ZNF567: variants seen among roughly 807,000 people sequenced by gnomAD.
The protein encoded by ZNF567 is zinc finger protein 567.
In ZNF567, 36 loss-of-function variants were observed where a neutral mutation model predicts 53.9. The ratio of observed to expected loss-of-function variants is 0.67; its 90% CI spans 0.51 to 0.88. ZNF567 has a LOEUF of 0.88. Among genes scored for constraint, ZNF567 ranks in the 40% least tolerant of loss-of-function variants. The probability of loss-of-function intolerance (pLI) is 0.00; values close to 1 mark genes in which losing one functional copy is unlikely to be tolerated. For missense variants in ZNF567, 619 were observed against 764.7 expected, an observed-to-expected ratio of 0.81 and a Z score of 2.25; for synonymous variants, 224 against 260.4, an observed-to-expected ratio of 0.86 and a Z score of 1.35.
chr19:36,726,982 T>TTCTC (rs375360156), downstream of ZNF567: 1,335 of 55,224 alleles, frequency 0.024, 28 homozygotes, highest in African/African-American at 0.083. Context: ...CTTTCTTTCT[T>TTCTC]TTTCTTTCTT....
intron 2 of ZNF567, among the ~76,000 whole-genome samples, chr19:36,692,665 C>T (rs986142813): frequency 2.6e-5 from 4 of 152,186 alleles, no homozygotes; most frequent in African/African-American, 9.7e-5. Flanking sequence ...CATGAGCTAC[C>T]TACTGTGCTC....
At chr19:36,695,393 G>C (rs189926208) in intron 3 of ZNF567, among the ~76,000 whole-genome samples, 1 of 152,050 alleles carries the variant, frequency 6.6e-6, no homozygotes, top group East Asian at 1.9e-4. Context: ...GCTGGGCTTG[G>C]TGGCAGGCGC....
At chr19:36,692,874 C>G (rs1377854530) in intron 2 of ZNF567, among the ~76,000 whole-genome samples, 1 of 152,146 alleles carries the variant, frequency 6.6e-6, no homozygotes, top group Non-Finnish European at 1.5e-5. Context: ...GTGTCTGATT[C>G]CCTGTCGTTG....
intron 3 of ZNF567, among the ~76,000 whole-genome samples, chr19:36,709,644 A>G (rs1004009977): frequency 2.0e-5 from 3 of 151,286 alleles, no homozygotes; most frequent in African/African-American, 7.3e-5. Context: ...AGCATTTTTG[A>G]TGGTGCAGTC....
intron 1 of ZNF567, among the ~76,000 whole-genome samples, 137 bp from the exon 2 acceptor site, chr19:36,689,236 AGTGTGTGTGTGTGTGTGTGTGTGT>A (rs59984347): frequency 3.6e-5 from 5 of 138,906 alleles, no homozygotes; most frequent in Admixed American, 2.8e-4. Context: ...CCTATTTGAG[AGTGTGTGTGTGTGTGTGTGTGTGT>A]GTGTGTGTGT....
rs2040274980 is a variant in ZNF567 at position 36,720,775 on chromosome 19, A to G, written c.*107A>G. On this transcript the variant is annotated 3_prime_UTR_variant, in exon 6 of 6. Coordinates refer to ENST00000682579, the MANE Select transcript of ZNF567 (RefSeq NM_001322917.1). ...AATGTAATTTTAAATCACAAGTCTA[A>G]TAATTATTAAAGTACCATACGGAAT... The G allele has an allele frequency of 9.9e-7, 1 of 1,013,466 alleles. No homozygotes were observed. The highest frequency in any genetic ancestry group is 1.4e-6 in the Non-Finnish European group (1 of 726,268). 62.8% of individuals were successfully genotyped at this position (1,013,466 alleles called of 1,614,324 possible). A position where few individuals can be genotyped will look rare whatever the true frequency, so the allele number is the denominator to read the frequency against.
chr19:36,684,617 T>C, upstream of ZNF567, among the ~76,000 whole-genome samples: 1 of 152,160 alleles, frequency 6.6e-6, no homozygotes, highest in East Asian at 1.9e-4. Context: ...ACAGAACTGC[T>C]GTTAACCAAC....
chr19:36,689,741 G>T (rs754821237), intron 2 of ZNF567, among the ~76,000 whole-genome samples: 1 of 152,112 alleles, frequency 6.6e-6, no homozygotes, highest in Non-Finnish European at 1.5e-5. Context: ...AGCCACCTCA[G>T]TCACTTTGCC....
At chr19:36,674,249 T>C in the ZNF567 span, among the ~76,000 whole-genome samples, 4 of 152,252 alleles carry the variant, frequency 2.6e-5, no homozygotes, top group East Asian at 1.9e-4. Flanking sequence ...ATGCAAGACC[T>C]TGTGCTTCAA....
the ZNF567 span, among the ~76,000 whole-genome samples, chr19:36,678,091 G>A: frequency 2.6e-5 from 4 of 152,166 alleles, no homozygotes; most frequent in Non-Finnish European, 5.9e-5. Flanking sequence ...TGAAGAAAAG[G>A]AGATAGCCGT....
the ZNF567 span, among the ~76,000 whole-genome samples, chr19:36,677,850 TG>T: frequency 6.6e-6 from 1 of 152,322 alleles, no homozygotes; most frequent in South Asian, 2.1e-4. Context: ...TTTCTTTCAT[TG>T]TGAGTCTCTT....
intron 3 of ZNF567, chr19:36,712,126 A>C (rs958721385): frequency 2.8e-6 from 1 of 361,750 alleles, no homozygotes; most frequent in East Asian, 7.1e-5. Context: ...GGCTCACTGC[A>C]TCCTCCGCCT....
intron 3 of ZNF567, among the ~76,000 whole-genome samples, chr19:36,697,855 C>T (rs960979977): frequency 1.3e-5 from 2 of 151,586 alleles, no homozygotes; most frequent in African/African-American, 2.4e-5. Context: ...AAGTGTTCTG[C>T]CTGCCTTGGC....
chr19:36,713,347 C>T (rs2039882696), intron 5 of ZNF567, among the ~76,000 whole-genome samples: 1 of 151,712 alleles, frequency 6.6e-6, no homozygotes, highest in Non-Finnish European at 1.5e-5. Context: ...GTCCCAGCTA[C>T]TCAGGAAGCT....
the ZNF567 span, among the ~76,000 whole-genome samples, chr19:36,675,437 G>A: frequency 2.6e-5 from 4 of 152,228 alleles, no homozygotes; most frequent in East Asian, 7.7e-4. Context: ...CACTTTGGGA[G>A]GCTGAGGCAG....
chr19:36,692,777 G>A (rs577469926), intron 2 of ZNF567, among the ~76,000 whole-genome samples: 1 of 152,126 alleles, frequency 6.6e-6, no homozygotes, highest in Admixed American at 6.5e-5. Context: ...CACTATTTTT[G>A]CAAGCTTCTG....
At chr19:36,704,292 G>A (rs1189969138) in intron 3 of ZNF567, among the ~76,000 whole-genome samples, 1 of 151,972 alleles carries the variant, frequency 6.6e-6, no homozygotes, top group African/African-American at 2.4e-5. Flanking sequence ...GATGTGGTGG[G>A]CGCCTGTAAT....
chr19:36,717,812 C>T (rs1250640476), intron 5 of ZNF567, among the ~76,000 whole-genome samples: 1 of 152,046 alleles, frequency 6.6e-6, no homozygotes, highest in Non-Finnish European at 1.5e-5. Flanking sequence ...TTCTGATCTA[C>T]CATATGAAAA....
chr19:36,708,043 G>A (rs778525562), intron 3 of ZNF567, among the ~76,000 whole-genome samples: 1 of 152,052 alleles, frequency 6.6e-6, no homozygotes, highest in Non-Finnish European at 1.5e-5. Flanking sequence ...CCACAGGTGT[G>A]TGCCACCACA....
Sources: allele counts gnomAD v4.1 joint callset (sites outside exome capture counted in the v4.1 genomes callset), GRCh38; gene constraint gnomAD v4.1.1; transcripts MANE v1.5; gene names NCBI Gene and HGNC (gene_info 2026-07-23, HGNC 2026-07-21).